The following MYBPC2 variants were observed in gnomAD, a reference collection of about 807,000 sequenced individuals.
MYBPC2 encodes the protein myosin binding protein C2, also known as myosin-binding protein C, fast-type.
A neutral mutation model predicts 137.0 loss-of-function variants in MYBPC2; 122 were observed. The observed-to-expected ratio is 0.89, with a 90% CI of 0.77 to 1.03. The LOEUF (loss-of-function observed/expected upper bound fraction) is 1.03. Among genes scored for constraint, MYBPC2 ranks in the 50% least tolerant of loss-of-function variants. The pLI, the probability that MYBPC2 is intolerant of heterozygous loss-of-function variation, is 0.00. For missense variants in MYBPC2, 1,500 were observed against 1,534.4 expected (o/e 0.98, Z 0.37); for synonymous variants, 626 against 612.3 (o/e 1.02, Z -0.33).
chr19:50,450,947 C>A lies in MYBPC2; in HGVS notation c.1579+12C>A. 1 of 1,553,834 alleles carries A rather than the reference C, an allele frequency of 6.4e-7. No individual in the cohort carries two copies. Among genetic ancestry groups the A allele is most frequent in the Non-Finnish European group, 8.7e-7 (1 of 1,147,908 alleles). On this transcript the variant is annotated intron_variant, in intron 14 of 27. Transcript: ENST00000357701. ...GCTCAACTTCCTGGGTGAGGATGCC[C>A]CTTCCTCCTTCCCTGGGGGCTGTAG...
Position 50,460,165 on chromosome 19 carries a change from G to T in MYBPC2, c.2917G>T (p.Asp973Tyr). 1 of 1,601,862 alleles carries T rather than the reference G, an allele frequency of 6.2e-7. No homozygotes were observed. The highest frequency in any genetic ancestry group is 2.2e-5 in the East Asian group (1 of 44,494). ...CATGGGGTATTTCGTCCAGAAAGCA[G>T]ACAAAAAAACCATGGTGAGAGAGCA... ...EIMGYFVQKA[D>Y]KKTMEWFNVY... Residue 973 changes from aspartate to tyrosine, a missense_variant, in exon 24 of 28, where the codon GAC (aspartate) becomes TAC (tyrosine). Coordinates refer to ENST00000357701, the MANE Select transcript of MYBPC2 (RefSeq NM_004533.4).
rs764794280 is a variant in MYBPC2, at chr19:50,436,719, A to G, written c.448A>G (p.Asn150Asp). 6.2e-7 allele frequency: 1 copy of G among 1,613,606 alleles called. No individual in the cohort carries two copies. The highest frequency in any genetic ancestry group is 8.5e-7 in the Non-Finnish European group (1 of 1,179,776). ...GGACACCTGTGACAGCTGTGGCTTC[A>G]ACATCGATGTGGAGGGTATGCTGGT... ...AKDTCDSCGFNIDVEAPRQDA... is the reference protein window; with the variant it reads ...AKDTCDSCGFDIDVEAPRQDA... The change falls in exon 5 of 28, where the codon AAC becomes GAC. Residue 150 changes from asparagine to aspartate, a missense_variant. Coordinates refer to ENST00000357701, the MANE Select transcript of MYBPC2 (RefSeq NM_004533.4).
In MYBPC2 at chr19:50,454,274, AC is replaced by A. The variant is rs752111099; in HGVS notation, c.1925del (p.Pro642ArgfsTer34). On this transcript the variant is annotated frameshift_variant, in exon 18 of 28. Transcript: ENST00000357701. LOFTEE classifies it high-confidence loss of function. ...CTCCTGCCCCCTGCAGATGTCCCAG[AC>A]CCCCCGGAGGCTGTGCGCATCACCT... ...SIFLQVVDVPDPPEAVRITSV... is the reference protein window; with the variant it reads ...SIFLQVVDVPXPPEAVRITSV... The A allele has an allele frequency of 3.1e-6, 5 of 1,612,860 alleles. No individual in the cohort carries two copies. Among genetic ancestry groups the A allele is most frequent in the East Asian group, 2.2e-5 (1 of 44,822 alleles).
intron 7 of MYBPC2, among the ~76,000 whole-genome samples, chr19:50,440,323 AAAATAAATAAAT>A (rs58778063): frequency 3.0e-4 from 42 of 139,106 alleles, no homozygotes; most frequent in South Asian, 7.1e-4. Context: ...CTGTGGAAAT[AAAATAAATAAAT>A]AAATAAATAA....
rs2039700688 is a variant in MYBPC2, at chr19:50,436,076, G to A, written c.261G>A (p.Lys87=). The change falls in exon 4 of 28, where the codon AAG becomes AAA. Residue 87 remains lysine, a synonymous_variant. Transcript: ENST00000357701. ...AGCTCCCAGACAAACCGACCATCAA[G>A]TGGTTCAAGGGGAAGTGGCTGGAGC... ...GKELPDKPTI[K]WFKGKWLELG... The A allele has an allele frequency of 6.3e-7, 1 of 1,584,280 alleles. No homozygotes were observed.
chr19:50,447,554 C>A (rs929672430), intron 12 of MYBPC2, among the ~76,000 whole-genome samples: 4 of 152,000 alleles, frequency 2.6e-5, no homozygotes, highest in African/African-American at 7.3e-5. Context: ...CATGGCAAGA[C>A]CCCGTCTGTA....
chr19:50,435,492 C>T lies in MYBPC2; in HGVS notation c.109+242C>T, dbSNP rs1011674810. ...GCTGATTGATCACCAGGTCCGGCCC[C>T]GGTCTCTCTAAACCTCTCCCGCCCC... On this transcript the variant is annotated intron_variant, in intron 2 of 27. Coordinates refer to ENST00000357701, the MANE Select transcript of MYBPC2 (RefSeq NM_004533.4). The surrounding 1 kb of genome is among the most constrained non-coding windows in gnomAD (Gnocchi z 4.8). 6.6e-6 allele frequency among the ~76,000 whole-genome samples: 1 copy of T among 152,184 alleles called. No individual in the cohort carries two copies. The highest frequency in any genetic ancestry group is 2.4e-5 in the African/African-American group (1 of 41,458).
chr19:50,464,387 A>C lies in MYBPC2; in HGVS notation c.3270A>C (p.Glu1090Asp), dbSNP rs2039996053. ...TGAAGAACAAGATGGAAATCCGTGA[A>C]GATCCCAAGTTCCTGATAACCAATT... is the stretch of plus-strand genomic sequence containing the variant. The part of the protein sequence containing the change: ...VWMKNKMEIR[E>D]DPKFLITNYQ... Residue 1090 changes from glutamate to aspartate, a missense_variant, in exon 27 of 28, where the codon GAA becomes GAC. Glu to Asp is a conservative substitution (Grantham distance 45, BLOSUM62 2). Coordinates refer to ENST00000357701, the MANE Select transcript of MYBPC2 (RefSeq NM_004533.4). 1 of 1,610,944 alleles carries C rather than the reference A, an allele frequency of 6.2e-7. No individual in the cohort carries two copies. Among genetic ancestry groups the C allele is most frequent in the Admixed American group, 1.7e-5 (1 of 59,518 alleles).
Position 50,437,515 on chromosome 19 carries a change from A to G in MYBPC2, c.506A>G (p.Lys169Arg), listed in dbSNP as rs772008754. The G allele has an allele frequency of 3.1e-6, 5 of 1,610,512 alleles. No individual in the cohort carries two copies. In the Admixed American group the frequency reaches 5.0e-5, roughly 16 times the overall value. Residue 169 changes from lysine to arginine, a missense_variant, in exon 6 of 28, where the codon AAG becomes AGG. Transcript: ENST00000357701. ...TCTGGGCAGAGTCTAGAAAGCTTCA[A>G]GCGTACGTAAGTGACCCCAGGCCCT... ...DASGQSLESF[K>R]RTSEKKSDTA...
chr19:50,459,933 A>G, intron 23 of MYBPC2, 107 bp from the exon 24 acceptor site: 1 of 1,463,548 alleles, frequency 6.8e-7, no homozygotes. Flanking sequence ...GGAATGGGGC[A>G]TAAGAGAGGT....
chr19:50,460,312 C>A (rs2039960966), intron 24 of MYBPC2, 133 bp downstream of exon 24: 1 of 1,285,944 alleles, frequency 7.8e-7, no homozygotes, highest in Admixed American at 2.9e-5. Flanking sequence ...AGGAGGGAAG[C>A]CTTTTAGCTG....
intron 16 of MYBPC2, among the ~76,000 whole-genome samples, chr19:50,453,048 G>A (rs918680442): frequency 6.6e-6 from 1 of 152,094 alleles, no homozygotes; most frequent in African/African-American, 2.4e-5. Flanking sequence ...TCCGCACCAG[G>A]CACTGAGGAT....
Position 50,435,243 on chromosome 19 carries a change from C to G in MYBPC2, c.102C>G (p.Ala34=). 8.0e-7 allele frequency: 1 copy of G among 1,246,356 alleles called. No homozygotes were observed. Among genetic ancestry groups the G allele is most frequent in the Non-Finnish European group, 1.2e-6 (1 of 856,808 alleles). The allele number at this position is 1,246,356 out of a possible 1,614,324, so 77.2% of individuals were successfully genotyped here. The change falls in exon 2 of 28, where the codon GCC becomes GCG. Residue 34 remains alanine (A), a synonymous_variant. Coordinates refer to ENST00000357701, the MANE Select transcript of MYBPC2 (RefSeq NM_004533.4). The surrounding 1 kb of genome is among the most constrained non-coding windows in gnomAD (Gnocchi z 4.8). ...EAPPKEAPAE[A]PKEAPPEDQS... ...CCCCTAAGGAGGCTCCTGCAGAGGC[C>G]CCCAAAGGTGAGGAGGTGCTCCCTC...
At chr19:50,448,474 AT>A (rs1211001890) in intron 13 of MYBPC2, 84 bp downstream of exon 13, 29,743 of 1,092,380 alleles carry the variant, frequency 0.027, no homozygotes, top group South Asian at 0.041. Context: ...TCCCCCATTT[AT>A]TTTTTTTTTT....
At chr19:50,463,232 C>T (rs1260367785) in intron 26 of MYBPC2, among the ~76,000 whole-genome samples, 1 of 152,154 alleles carries the variant, frequency 6.6e-6, no homozygotes, top group Admixed American at 6.5e-5. Flanking sequence ...GTGCGTGGCT[C>T]GCGTTCCAGG....
Position 50,450,816 on chromosome 19 carries a change from C to T in MYBPC2, c.1473-13C>T. On this transcript the variant is annotated splice_polypyrimidine_tract_variant and intron_variant, in intron 13 of 27. Coordinates refer to ENST00000357701, the MANE Select transcript of MYBPC2 (RefSeq NM_004533.4). ...ATCTGGTTCGAGCCCTACCCTGCTC[C>T]CCCACCCCTTAGGTTCCACAAGCTG... The T allele has an allele frequency of 6.4e-7, 1 of 1,555,068 alleles. No homozygotes were observed. Among genetic ancestry groups the T allele is most frequent in the East Asian group, 2.4e-5 (1 of 41,228 alleles).
rs1568667729 is a variant in MYBPC2 at position 50,458,574 on chromosome 19, C to A, written c.2339-13C>A. The A allele has an allele frequency of 2.5e-6, 4 of 1,609,946 alleles. No homozygotes were observed. The highest frequency in any genetic ancestry group is 4.5e-5 in the East Asian group (2 of 44,868). Reference sequence around the variant, plus strand: ...GAGGGCACGAGATCCGCCAGCAGGGCCTCTCTCTCCAGCCGAGGAATGGGT... The same window carrying A: ...GAGGGCACGAGATCCGCCAGCAGGGACTCTCTCTCCAGCCGAGGAATGGGT... On this transcript the variant is annotated splice_polypyrimidine_tract_variant and intron_variant, in intron 20 of 27. Transcript: ENST00000357701.
Position 50,440,950 on chromosome 19 carries a change from T to A in MYBPC2, c.643T>A (p.Trp215Arg). 1 of 1,613,652 alleles carries A rather than the reference T, an allele frequency of 6.2e-7. No homozygotes were observed. The highest frequency in any genetic ancestry group is 8.5e-7 in the Non-Finnish European group (1 of 1,179,776). The change falls in exon 8 of 28, where the codon TGG becomes AGG. Residue 215 changes from tryptophan to arginine, a missense_variant. Trp to Arg is a moderately radical substitution (Grantham distance 101). Transcript: ENST00000357701. Reference sequence around the variant, plus strand: ...TGACCTAGGCATCCCCCCGGAGATTTGGGAGCTCCTGAAAGGGGCAAAGAA... The same window carrying A: ...TGACCTAGGCATCCCCCCGGAGATTAGGGAGCTCCTGAAAGGGGCAAAGAA... ...DDDLGIPPEI[W>R]ELLKGAKKSE... is the part of the protein sequence containing the mutation.
intron 18 of MYBPC2, 61 bp downstream of exon 18, chr19:50,454,430 T>G (rs2039890331): frequency 9.4e-6 from 13 of 1,375,820 alleles, no homozygotes; most frequent in Middle Eastern, 2.0e-4. Context: ...GTTTTTTTTT[T>G]TTTTTTTTTT....
Sources: gnomAD v4.1 joint callset for allele counts (sites outside exome capture counted in the v4.1 genomes callset) on GRCh38, gnomAD v4.1.1 for gene constraint, Gnocchi (gnomAD v3.1) non-coding constraint, MANE v1.5 for transcripts, NCBI Gene and HGNC (gene_info 2026-07-23, HGNC 2026-07-21) for gene names.